Variants in SLC22A14 observed in about 807,000 individuals in gnomAD.
SLC22A14 encodes organic cation transporter-like 4.
A neutral mutation model predicts 53.9 loss-of-function variants in SLC22A14; 50 were observed. That is an observed-to-expected ratio of 0.93 (90% CI 0.74 to 1.17). SLC22A14 has a LOEUF of 1.17. Among genes scored for constraint, SLC22A14 ranks in the 50% most tolerant of loss-of-function variants. The probability of loss-of-function intolerance (pLI) is 0.00; values close to 1 mark genes in which losing one functional copy is unlikely to be tolerated. For synonymous variants in SLC22A14, 312 were observed against 303.0 expected (o/e 1.03, Z -0.31); for missense variants, 671 against 734.7 (o/e 0.91, Z 1.00).
At chr3:38,312,924 G>A in intron 5 of SLC22A14, 75 bp from the exon 6 acceptor site, 7 of 1,544,512 alleles carry the variant, frequency 4.5e-6, no homozygotes, top group Non-Finnish European at 5.3e-6. Flanking sequence ...GGCCACAGCT[G>A]AGGCCACGAG....
At chr3:38,280,873 G>A (rs1273898841), upstream of SLC22A14, among the ~76,000 whole-genome samples, 2 of 152,160 alleles carry the variant, frequency 1.3e-5, no homozygotes, top group Non-Finnish European at 2.9e-5. Flanking sequence ...CAGGTGATCC[G>A]TCTGCCTCAG....
Position 38,308,949 on chromosome 3 carries a change from C to T in SLC22A14, c.776-5C>T. The T allele has an allele frequency of 6.2e-7, 1 of 1,613,390 alleles. No individual in the cohort carries two copies. The highest frequency in any genetic ancestry group is 1.3e-5 in the African/African-American group (1 of 75,060). ...CATGGTTTTGTCCTCTTGGCCTCTG[C>T]ACAGCCACTGAGTGGTTAGTGGGTG... On this transcript the variant is annotated splice_polypyrimidine_tract_variant and splice_region_variant and intron_variant, in intron 4 of 10. Coordinates refer to ENST00000448498, the MANE Select transcript of SLC22A14 (RefSeq NM_001320033.2).
At chr3:38,314,275 A>G (rs1057133268) in intron 8 of SLC22A14, among the ~76,000 whole-genome samples, 3 of 152,170 alleles carry the variant, frequency 2.0e-5, no homozygotes, top group Non-Finnish European at 2.9e-5. Flanking sequence ...TGATGGCAAA[A>G]ATATTCCTTC....
chr3:38,308,096 G>C (rs1704359790), intron 4 of SLC22A14: 1 of 153,290 alleles, frequency 6.5e-6, no homozygotes, highest in African/African-American at 2.8e-5. Flanking sequence ...CATTTACTGA[G>C]CCCTTAAGAA....
Position 38,306,094 on chromosome 3 carries a change from A to G in SLC22A14, c.68A>G (p.His23Arg). ...GATGCTTCCAGGAACTTGAACCAGC[A>G]TGAGGTAGCAGGACATCCACATTCC... ...SQDASRNLNQ[H>R]EVAGHPHSWS... The change falls in exon 2 of 11, where the codon CAT (histidine) becomes CGT (arginine). Residue 23 changes from histidine to arginine, a missense_variant. By Grantham distance (29) the His-to-Arg change is conservative. Coordinates refer to ENST00000448498, the MANE Select transcript of SLC22A14 (RefSeq NM_001320033.2). 6.2e-7 allele frequency: 1 copy of G among 1,614,098 alleles called. No individual in the cohort carries two copies. Among genetic ancestry groups the G allele is most frequent in the Non-Finnish European group, 8.5e-7 (1 of 1,179,980 alleles).
At chr3:38,279,900 A>G (rs755529265), upstream of SLC22A14, among the ~76,000 whole-genome samples, 2 of 152,218 alleles carry the variant, frequency 1.3e-5, no homozygotes, top group Non-Finnish European at 2.9e-5. Context: ...TAAAGACACC[A>G]ATGACTAACA....
chr3:38,301,466 T>G (rs138764794), intron 1 of SLC22A14, among the ~76,000 whole-genome samples: 1 of 152,364 alleles, frequency 6.6e-6, no homozygotes, highest in East Asian at 1.9e-4. Context: ...TGGCATACTT[T>G]TACAAGTTAT....
At chr3:38,289,034 G>A (rs1001921655) in intron 1 of SLC22A14, among the ~76,000 whole-genome samples, 8 of 151,808 alleles carry the variant, frequency 5.3e-5, no homozygotes, top group African/African-American at 1.9e-4. Flanking sequence ...AAAAAAATTA[G>A]CCCTGCATGG....
chr3:38,309,764 C>T (rs1237451167), intron 5 of SLC22A14, among the ~76,000 whole-genome samples: 1 of 152,010 alleles, frequency 6.6e-6, no homozygotes, highest in Non-Finnish European at 1.5e-5. Context: ...AAGAGAGGGA[C>T]AAAACAGAAG....
chr3:38,296,922 G>C (rs766184299), intron 1 of SLC22A14, among the ~76,000 whole-genome samples: 2 of 152,224 alleles, frequency 1.3e-5, no homozygotes, highest in Non-Finnish European at 2.9e-5. Context: ...CGGTGGGTCT[G>C]TGACGGCGAC....
intron 1 of SLC22A14, among the ~76,000 whole-genome samples, chr3:38,287,230 A>C (rs1703814252): frequency 6.6e-6 from 1 of 152,184 alleles, no homozygotes; most frequent in African/African-American, 2.4e-5. Flanking sequence ...GGCAAGTTTA[A>C]TATTGCTATA....
chr3:38,286,445 C>T (rs556499506), intron 1 of SLC22A14, among the ~76,000 whole-genome samples: 12 of 150,044 alleles, frequency 8.0e-5, no homozygotes, highest in Admixed American at 4.6e-4. Flanking sequence ...TAGACAGAGT[C>T]GCTCTGTCAC....
At chr3:38,311,166 T>A (rs2125889685) in intron 5 of SLC22A14, among the ~76,000 whole-genome samples, 1 of 152,162 alleles carries the variant, frequency 6.6e-6, no homozygotes, top group East Asian at 1.9e-4. Flanking sequence ...CAAGACCCTG[T>A]CACTTCCATG....
chr3:38,313,601 A>G (rs1282442153), intron 7 of SLC22A14, 116 bp downstream of exon 7: 1 of 934,214 alleles, frequency 1.1e-6, no homozygotes, highest in African/African-American at 1.6e-5. Context: ...CACAGATCAC[A>G]GGTCTCTGTG....
chr3:38,289,609 C>T (rs928183915), intron 1 of SLC22A14, among the ~76,000 whole-genome samples: 9 of 152,154 alleles, frequency 5.9e-5, no homozygotes, highest in African/African-American at 2.2e-4. Flanking sequence ...ACCATGAAAC[C>T]CAGCTACTAG....
chr3:38,308,875 C>T, intron 4 of SLC22A14, 79 bp from the exon 5 acceptor site: 2 of 1,327,664 alleles, frequency 1.5e-6, no homozygotes, highest in African/African-American at 1.4e-5. Context: ...CAGGTGGGGA[C>T]ACCCAGCAAG....
rs774967688 is a variant in SLC22A14 at position 38,307,761 on chromosome 3, G to A, written c.775+41G>A. 24 of 1,608,694 alleles carry A rather than the reference G, an allele frequency of 1.5e-5. No individual in the cohort carries two copies. The East Asian group carries it at 4.9e-4, about 33-fold the overall frequency. ...AATGGGGCAGGGCAGGGTGGCACAG[G>A]GGCATGGCGGCATAGGCGGGTGACA... On this transcript the variant is annotated intron_variant, in intron 4 of 10. Transcript: ENST00000448498. The surrounding 1 kb of genome is among the most constrained non-coding windows in gnomAD (Gnocchi z 4.4).
intron 1 of SLC22A14, among the ~76,000 whole-genome samples, chr3:38,285,598 T>G (rs1703774117): frequency 6.6e-6 from 1 of 152,260 alleles, no homozygotes; most frequent in South Asian, 2.1e-4. Flanking sequence ...TTTTTGAGAC[T>G]CATACAGGTT....
intron 9 of SLC22A14, 78 bp from the exon 10 acceptor site, chr3:38,316,246 G>C: frequency 7.7e-7 from 1 of 1,293,316 alleles, no homozygotes; most frequent in Non-Finnish European, 1.1e-6. Flanking sequence ...GAGAGTGTGG[G>C]TTTTCATGTA....
Sources: allele counts gnomAD v4.1 joint callset (sites outside exome capture counted in the v4.1 genomes callset), GRCh38; gene constraint gnomAD v4.1.1; non-coding constraint Gnocchi (gnomAD v3.1); transcripts MANE v1.5; gene names NCBI Gene and HGNC (gene_info 2026-07-23, HGNC 2026-07-21).